The following SLC33A1 variants were observed in gnomAD, a reference collection of about 807,000 sequenced individuals.
The protein encoded by SLC33A1 is solute carrier family 33 member 1, also known as acetyl-coenzyme A transporter 1.
Under a neutral mutation model 50.0 loss-of-function variants are expected in SLC33A1, and 20 were observed. The ratio of observed to expected loss-of-function variants is 0.40; its 90% CI spans 0.28 to 0.58. SLC33A1 has a LOEUF of 0.58. SLC33A1 is among the 20% of genes least tolerant of loss of function. The probability of loss-of-function intolerance (pLI) is 0.44; values close to 1 mark genes in which losing one functional copy is unlikely to be tolerated. For synonymous variants in SLC33A1, 265 were observed against 251.8 expected, an observed-to-expected ratio of 1.05 and a Z score of -0.50; for missense variants, 476 against 657.0, an observed-to-expected ratio of 0.72 and a Z score of 3.01.
intron 1 of SLC33A1, among the ~76,000 whole-genome samples, chr3:155,848,954 C>G (rs1011386257): frequency 1.3e-5 from 2 of 151,914 alleles, no homozygotes; most frequent in Non-Finnish European, 2.9e-5. Flanking sequence ...GCTCTGTCAC[C>G]CAGGCTGGAG....
intron 1 of SLC33A1, among the ~76,000 whole-genome samples, chr3:155,844,003 T>C (rs1004687899): frequency 2.6e-5 from 4 of 152,194 alleles, no homozygotes; most frequent in Non-Finnish European, 5.9e-5. Flanking sequence ...TTTTATGGTG[T>C]ATGTGGCACA....
chr3:155,829,637 A>G (rs1017764931), intron 5 of SLC33A1, 51 bp downstream of exon 5: 1 of 1,270,732 alleles, frequency 7.9e-7, no homozygotes, highest in African/African-American at 1.5e-5. Context: ...AAACAAAGAT[A>G]TTAATATCTT....
intron 2 of SLC33A1, among the ~76,000 whole-genome samples, chr3:155,840,762 C>T (rs954307971): frequency 2.0e-5 from 3 of 151,812 alleles, no homozygotes; most frequent in South Asian, 4.2e-4. Flanking sequence ...TGCAGTAAGC[C>T]GAGATAGGGC....
chr3:155,850,669 T>A (rs1220625253), intron 1 of SLC33A1, among the ~76,000 whole-genome samples: 2 of 151,858 alleles, frequency 1.3e-5, no homozygotes, highest in Non-Finnish European at 2.9e-5. Context: ...TAGACTGGAA[T>A]GCAATGGTGC....
In SLC33A1 at chr3:155,853,410, G is replaced by T; in HGVS notation, c.588C>A (p.Ala196=). 1 of 1,614,038 alleles carries T rather than the reference G, an allele frequency of 6.2e-7. No individual in the cohort carries two copies. The highest frequency in any genetic ancestry group is 8.5e-7 in the Non-Finnish European group (1 of 1,180,018). The change falls in exon 1 of 6, where the codon GCC becomes GCA. Residue 196 remains alanine, a synonymous_variant. Transcript: ENST00000643144. ...FEFLAATQDI[A]VDGWALTMLS... is the part of the protein sequence containing the mutation. ...ACATAGTTAACGCCCAACCATCGAC[G>T]GCAATGTCCTGAGTGGCGGCCAAGA...
chr3:155,834,197 A>C (rs1306568494), intron 2 of SLC33A1, among the ~76,000 whole-genome samples, 156 bp from the exon 3 acceptor site: 2 of 152,240 alleles, frequency 1.3e-5, no homozygotes, highest in Admixed American at 6.5e-5. Flanking sequence ...CAGTCAAGTT[A>C]TACGAGGTAC....
chr3:155,837,850 TA>T (rs1168056696), intron 2 of SLC33A1, among the ~76,000 whole-genome samples: 1 of 152,184 alleles, frequency 6.6e-6, no homozygotes, highest in African/African-American at 2.4e-5. Flanking sequence ...GGAGATATGT[TA>T]TTAGGGGGGA....
intron 2 of SLC33A1, among the ~76,000 whole-genome samples, chr3:155,837,615 T>C (rs150579490): frequency 8.3e-4 from 126 of 152,256 alleles, no homozygotes; most frequent in African/African-American, 2.8e-3. Context: ...ATAATAGCTC[T>C]AAAAATCTGT....
chr3:155,843,882 T>C (rs1202123625), intron 1 of SLC33A1, among the ~76,000 whole-genome samples: 1 of 152,234 alleles, frequency 6.6e-6, no homozygotes, highest in Non-Finnish European at 1.5e-5. Flanking sequence ...ACTTATTAGA[T>C]AACCCTGTCT....
rs1304631511 is a variant in SLC33A1 at position 155,825,191 on chromosome 3, C to T, written c.*3019G>A. On this transcript the variant is annotated 3_prime_UTR_variant, in exon 6 of 6. Transcript: ENST00000643144. ...TTGAGACAGGGTCTCACTCTGTCACCCAGACAGGAATGTAGTACCACAATC... is the reference window on the plus strand; with the variant it reads ...TTGAGACAGGGTCTCACTCTGTCACTCAGACAGGAATGTAGTACCACAATC... 6.6e-6 allele frequency: 1 copy of T among 151,944 alleles called. No homozygotes were observed. Among genetic ancestry groups the T allele is most frequent in the African/African-American group, 2.4e-5 (1 of 41,360 alleles). 9.4% of individuals were successfully genotyped at this position (151,944 alleles called of 1,614,324 possible).
chr3:155,853,512 C>G lies in SLC33A1; in HGVS notation c.486G>C (p.Val162=), dbSNP rs1332703255. The change falls in exon 1 of 6, where the codon GTG becomes GTC. Residue 162 remains valine, a synonymous_variant. Transcript: ENST00000643144. ...CATCGGTATTCCCAAGCAAACGGTC[C>G]ACCTGAGTGGATAAATAGATCATGA... is the stretch of plus-strand genomic sequence containing the variant. ...GLFMIYLSTQ[V]DRLLGNTDDR... The G allele has an allele frequency of 6.2e-7, 1 of 1,614,020 alleles. No individual in the cohort carries two copies. The highest frequency in any genetic ancestry group is 2.2e-5 in the East Asian group (1 of 44,890).
chr3:155,851,637 C>T (rs1577480260), intron 1 of SLC33A1, among the ~76,000 whole-genome samples: 2 of 151,898 alleles, frequency 1.3e-5, no homozygotes, highest in South Asian at 4.2e-4. Flanking sequence ...AGGCTGGTCT[C>T]AAACTCCTGA....
intron 2 of SLC33A1, among the ~76,000 whole-genome samples, chr3:155,834,752 T>G (rs1752583173): frequency 6.6e-6 from 1 of 152,202 alleles, no homozygotes; most frequent in South Asian, 2.1e-4. Flanking sequence ...AGAGACATGA[T>G]ATGGCTTTCA....
At chr3:155,836,280 C>CATAAAAAAAAAAAAAAA (rs1752659406) in intron 2 of SLC33A1, among the ~76,000 whole-genome samples, 1 of 27,164 alleles carries the variant, frequency 3.7e-5, no homozygotes, top group African/African-American at 1.4e-4. Flanking sequence ...GAGACTCTGT[C>CATAAAAAAAAAAAAAAA]AAAAAAAAAA....
intron 1 of SLC33A1, among the ~76,000 whole-genome samples, chr3:155,844,443 ATATATATATATATATTTTTTTTTTTTTTT>A (rs1234675400): frequency 5.0e-4 from 5 of 10,032 alleles, no homozygotes; most frequent in African/African-American, 1.2e-3. Context: ...ATATATATAT[ATATATATATATATATTTTTTTTTTTTTTT>A]TTTTTTTTTT....
At chr3:155,833,756 CT>C (rs1486515853) in intron 3 of SLC33A1, 100 bp downstream of exon 3, 4 of 1,084,148 alleles carry the variant, frequency 3.7e-6, no homozygotes, top group Non-Finnish European at 5.6e-6. Context: ...CTTTTCAAAT[CT>C]TTTTCCATAT....
chr3:155,830,297 C>T (rs1414958228), intron 4 of SLC33A1, among the ~76,000 whole-genome samples: 1 of 151,696 alleles, frequency 6.6e-6, no homozygotes, highest in Non-Finnish European at 1.5e-5. Context: ...GGCGTGAACC[C>T]GGGAGGCGGA....
At position 155,853,473 on chromosome 3, in the gene SLC33A1, G is replaced by A; in HGVS notation, c.525C>T (p.Asp175=). ...AGAACGCCACAGTGAGAGCAATCAC[G>A]TCGGGTGTTCTGTCATCGGTATTCC... ...LLGNTDDRTP[D]VIALTVAFFL... Residue 175 remains aspartate (D), a synonymous_variant, in exon 1 of 6, where the codon GAC becomes GAT. Transcript: ENST00000643144. 1 of 1,614,092 alleles carries A rather than the reference G, an allele frequency of 6.2e-7. No individual in the cohort carries two copies. The highest frequency in any genetic ancestry group is 8.5e-7 in the Non-Finnish European group (1 of 1,180,008).
chr3:155,842,211 C>T (rs1183012195), intron 2 of SLC33A1, among the ~76,000 whole-genome samples: 2 of 152,116 alleles, frequency 1.3e-5, no homozygotes, highest in African/African-American at 2.4e-5. Context: ...CTCCAATGGA[C>T]ATAATTCTTT....
Sources: allele counts gnomAD v4.1 joint callset (sites outside exome capture counted in the v4.1 genomes callset), GRCh38; gene constraint gnomAD v4.1.1; transcripts MANE v1.5; gene names NCBI Gene and HGNC (gene_info 2026-07-23, HGNC 2026-07-21).